Variants in RGPD4 observed in about 807,000 individuals in gnomAD.
RGPD4 encodes the protein ranBP2-like and GRIP domain-containing protein 4.
A neutral mutation model predicts 141.1 loss-of-function variants in RGPD4; 84 were observed. The observed-to-expected ratio is 0.60, with a 90% CI of 0.50 to 0.71. The LOEUF is 0.71. RGPD4 is among the 30% of genes least tolerant of loss of function. The pLI, the probability that RGPD4 is intolerant of heterozygous loss-of-function variation, is 0.00. For missense variants in RGPD4, 918 were observed against 1,622.4 expected (o/e 0.57, Z 7.46); for synonymous variants, 298 against 566.8 (o/e 0.53, Z 6.74).
intron 22 of RGPD4, among the ~76,000 whole-genome samples, chr2:107,885,927 C>A (rs1352557213): frequency 1.3e-5 from 2 of 151,512 alleles, no homozygotes; most frequent in Admixed American, 6.6e-5. Flanking sequence ...GTGGTGCATG[C>A]CTGTAATCCC....
At chr2:107,873,478 G>A (rs1683000731) in intron 20 of RGPD4, among the ~76,000 whole-genome samples, 2 of 146,880 alleles carry the variant, frequency 1.4e-5, no homozygotes, top group South Asian at 4.4e-4. Context: ...GGAGGTTGAG[G>A]CAGGAGGATC....
At chr2:107,888,862 C>T (rs1244757642) in intron 22 of RGPD4, among the ~76,000 whole-genome samples, 1 of 143,490 alleles carries the variant, frequency 7.0e-6, no homozygotes, top group Non-Finnish European at 1.5e-5. Flanking sequence ...AGATGAGACC[C>T]CAGCCATGCC....
At chr2:107,883,663 G>A in intron 22 of RGPD4, among the ~76,000 whole-genome samples, 1 of 138,874 alleles carries the variant, frequency 7.2e-6, no homozygotes, top group Non-Finnish European at 1.6e-5. Flanking sequence ...CTATGATGTA[G>A]TTAGAGTTGG....
intron 1 of RGPD4, 31 bp downstream of exon 1, chr2:107,827,116 C>G (rs749670054): frequency 1.3e-6 from 2 of 1,567,220 alleles, no homozygotes; most frequent in East Asian, 2.4e-5. Flanking sequence ...CCGACGGCCT[C>G]GACCTGGCCG....
intron 1 of RGPD4, among the ~76,000 whole-genome samples, chr2:107,829,595 G>A (rs1338147697): frequency 1.3e-5 from 2 of 150,164 alleles, no homozygotes; most frequent in Non-Finnish European, 2.9e-5. Flanking sequence ...CCCGACGGGC[G>A]CTGCTCCCAG....
In RGPD4 at chr2:107,827,054, C is replaced by T. The variant is rs760039685; in HGVS notation, c.41C>T (p.Ser14Phe). 2.5e-6 allele frequency: 4 copies of T among 1,597,292 alleles called. No individual in the cohort carries two copies. Among genetic ancestry groups the T allele is most frequent in the Non-Finnish European group, 3.4e-6 (4 of 1,173,310 alleles). ...SKAYGERYVA[S>F]VQGSAPSPRK... ...GCCTACGGGGAGCGGTACGTCGCCT[C>T]CGTGCAGGGCTCCGCCCCGTCGCCT... Residue 14 changes from serine (S) to phenylalanine (F), a missense_variant, in exon 1 of 23, where the codon TCC becomes TTC. Coordinates refer to ENST00000408999, the MANE Select transcript of RGPD4 (RefSeq NM_182588.3).
intron 6 of RGPD4, among the ~76,000 whole-genome samples, chr2:107,847,024 G>A (rs945035736): frequency 4.6e-5 from 7 of 151,412 alleles, no homozygotes; most frequent in East Asian, 2.0e-4. Flanking sequence ...GGTGGATCAC[G>A]AAGTCAGGAG....
At chr2:107,846,501 T>C (rs1007228152) in intron 6 of RGPD4, among the ~76,000 whole-genome samples, 3 of 151,532 alleles carry the variant, frequency 2.0e-5, no homozygotes, top group Admixed American at 6.6e-5. Context: ...AGTTTTGCTC[T>C]TGTTGCCCAG....
At chr2:107,884,372 T>C (rs979376405) in intron 22 of RGPD4, among the ~76,000 whole-genome samples, 39 of 152,214 alleles carry the variant, frequency 2.6e-4, no homozygotes, top group Non-Finnish European at 5.1e-4. Context: ...AGTGCTGGGA[T>C]TACAGGTGTG....
chr2:107,846,758 G>A (rs532668274), intron 6 of RGPD4, among the ~76,000 whole-genome samples: 99 of 151,506 alleles, frequency 6.5e-4, no homozygotes, highest in African/African-American at 2.2e-3. Context: ...GTGAGCCACC[G>A]CACAGGGCCA....
chr2:107,854,698 G>A (rs1229762095), intron 8 of RGPD4, 55 bp downstream of exon 8: 3 of 1,562,220 alleles, frequency 1.9e-6, no homozygotes. Context: ...TTTCTGTTAA[G>A]GCATATCTTA....
At chr2:107,874,180 T>C (rs1683023546) in intron 20 of RGPD4, among the ~76,000 whole-genome samples, 1 of 151,546 alleles carries the variant, frequency 6.6e-6, no homozygotes, top group African/African-American at 2.4e-5. Flanking sequence ...GCCACTAACG[T>C]CTGCCAGTAT....
intron 19 of RGPD4, 103 bp from the exon 20 acceptor site, chr2:107,870,602 T>C: frequency 4.3e-6 from 4 of 929,250 alleles, no homozygotes; most frequent in Non-Finnish European, 6.5e-6. Flanking sequence ...TCATCATTAT[T>C]GTTAACATCA....
rs1443139795 is a variant in RGPD4, at chr2:107,829,511, C to G, written c.72+2426C>G. Among the ~76,000 whole-genome samples the G allele has an allele frequency of 4.5e-5, 6 of 133,162 alleles. No homozygotes were observed. In the East Asian group the frequency reaches 1.3e-3, roughly 29 times the overall value. 87.4% of individuals were successfully genotyped at this position (133,162 alleles called of 152,430 possible). On this transcript the variant is annotated intron_variant, in intron 1 of 22. Coordinates refer to ENST00000408999, the MANE Select transcript of RGPD4 (RefSeq NM_182588.3). ...GTCATGGCTACCGACGGGCGCTGCT[C>G]CCTGGCGCGCTCTGTTGAGGCGGCG...
At chr2:107,867,207 G>A (rs1682756679) in intron 18 of RGPD4, among the ~76,000 whole-genome samples, 3 of 150,632 alleles carry the variant, frequency 2.0e-5, no homozygotes, top group South Asian at 4.3e-4. Context: ...CAGGCAGCCA[G>A]AAATAACAAA....
chr2:107,830,356 A>T (rs1474491908), intron 1 of RGPD4, among the ~76,000 whole-genome samples: 2 of 151,878 alleles, frequency 1.3e-5, no homozygotes, highest in Non-Finnish European at 2.9e-5. Context: ...AAAAAAAAAA[A>T]AAAGCATGTT....
intron 22 of RGPD4, chr2:107,883,247 CA>C: frequency 2.3e-6 from 1 of 438,464 alleles, no homozygotes; most frequent in African/African-American, 2.0e-5. Flanking sequence ...TTCCTTCCTC[CA>C]ACCCCAAATA....
chr2:107,866,939 C>G (rs1407743225), intron 18 of RGPD4, among the ~76,000 whole-genome samples: 7 of 149,656 alleles, frequency 4.7e-5, no homozygotes, highest in Admixed American at 1.3e-4. Flanking sequence ...ATACAGTAAA[C>G]AGTTAATGAA....
At chr2:107,875,600 T>A (rs1683066480) in intron 20 of RGPD4, among the ~76,000 whole-genome samples, 2 of 146,236 alleles carry the variant, frequency 1.4e-5, no homozygotes. Context: ...CATATAGAAG[T>A]TTTTTCTGTT....
Sources: allele counts gnomAD v4.1 joint callset (sites outside exome capture counted in the v4.1 genomes callset), GRCh38; gene constraint gnomAD v4.1.1; transcripts MANE v1.5; gene names NCBI Gene and HGNC (gene_info 2026-07-23, HGNC 2026-07-21).